The following SMG6 variants were observed in gnomAD, a reference collection of about 807,000 sequenced individuals.
The protein encoded by SMG6 is SMG6 nonsense mediated mRNA decay factor, also known as telomerase-binding protein EST1A.
Under a neutral mutation model 142.2 loss-of-function variants are expected in SMG6, and 66 were observed. The ratio of observed to expected loss-of-function variants is 0.46; its 90% CI spans 0.38 to 0.57. The LOEUF (loss-of-function observed/expected upper bound fraction) is 0.57, where lower values mean the gene tolerates loss of function less well. SMG6 is among the 20% of genes least tolerant of loss of function. The pLI, the probability that SMG6 is intolerant of heterozygous loss-of-function variation, is 0.00. For synonymous variants in SMG6, 779 were observed against 702.4 expected, an observed-to-expected ratio of 1.11 and a Z score of -1.72; for missense variants, 1,793 against 1,832.0, an observed-to-expected ratio of 0.98 and a Z score of 0.39.
Position 2,300,158 on chromosome 17 carries a change from C to T in SMG6, c.595G>A (p.Glu199Lys), listed in dbSNP as rs1483027495. 4 of 1,613,944 alleles carry T rather than the reference C, an allele frequency of 2.5e-6. No homozygotes were observed. The African/African-American group carries it at 4.0e-5, about 16-fold the overall frequency. Residue 199 changes from glutamate to lysine, a missense_variant, in exon 2 of 19, where the codon GAG becomes AAG. Glu to Lys is a moderately conservative substitution (Grantham distance 56). This residue lies in a region of SMG6 where 1,597 missense variants were observed against 1,584.6 expected (regional missense o/e 1.01). Coordinates refer to ENST00000263073, the MANE Select transcript of SMG6 (RefSeq NM_017575.5). ...EEVANKPDRA[E>K]IEKSPGGGRV... is the part of the protein sequence containing the mutation. Reference sequence around the variant, plus strand: ...CCACCACCTGGGCTCTTTTCTATCTCAGCCCTGTCTGGTTTATTCGCAACT... The same window carrying T: ...CCACCACCTGGGCTCTTTTCTATCTTAGCCCTGTCTGGTTTATTCGCAACT...
intron 13 of SMG6, chr17:2,127,997 G>C: frequency 4.1e-6 from 2 of 490,454 alleles, no homozygotes; most frequent in Non-Finnish European, 7.9e-6. Flanking sequence ...ACTAAGGAAC[G>C]AGTGTCAAAG....
At chr17:2,082,227 C>G (rs998194269) in intron 14 of SMG6, 10 of 419,812 alleles carry the variant, frequency 2.4e-5, no homozygotes, top group Non-Finnish European at 3.0e-5. Context: ...ACATATATAC[C>G]TGCGTGCTTT....
Position 2,255,432 on chromosome 17 carries a change from A to AAAAAAG in SMG6, c.2662-10714_2662-10713insCTTTTT, listed in dbSNP as rs2074149977. On this transcript the variant is annotated intron_variant, in intron 8 of 18. Coordinates refer to ENST00000263073, the MANE Select transcript of SMG6 (RefSeq NM_017575.5). ...AAAAAAAAAAAAAAAAAAAAAAAGAATGTGATCTTCATTAAAGCCACTGAA... is the reference window on the plus strand; with the variant it reads ...AAAAAAAAAAAAAAAAAAAAAAAGAAAAAAAGTGTGATCTTCATTAAAGCCACTGAA... 6.2e-5 allele frequency among the ~76,000 whole-genome samples: 9 copies of AAAAAAG among 144,326 alleles called. 1 individual carries two copies. Among genetic ancestry groups the AAAAAAG allele is most frequent in the Non-Finnish European group, 1.4e-4 (9 of 66,208 alleles). 94.7% of individuals were successfully genotyped at this position (144,326 alleles called of 152,430 possible).
chr17:2,087,538 T>C (rs1266821007), intron 13 of SMG6: 13 of 1,026,816 alleles, frequency 1.3e-5, no homozygotes, highest in Non-Finnish European at 1.5e-5. Flanking sequence ...GAGAGGTTGA[T>C]GTAGAAGGTT....
At chr17:2,250,528 C>T (rs1386894093) in intron 8 of SMG6, among the ~76,000 whole-genome samples, 1 of 151,880 alleles carries the variant, frequency 6.6e-6, no homozygotes, top group Non-Finnish European at 1.5e-5. Context: ...GCTGGGCCTA[C>T]AGGCACACAC....
chr17:2,258,858 G>A (rs1308202571), intron 8 of SMG6, among the ~76,000 whole-genome samples: 1 of 149,526 alleles, frequency 6.7e-6, no homozygotes, highest in African/African-American at 2.5e-5. Flanking sequence ...CATGTTGGGG[G>A]GCCGAGGTCA....
intron 13 of SMG6, 115 bp from the exon 14 acceptor site, chr17:2,086,016 G>A: frequency 4.6e-6 from 5 of 1,084,854 alleles, no homozygotes; most frequent in Non-Finnish European, 5.6e-6. Context: ...TACCAGGCAA[G>A]GGGGTCAGAA....
At chr17:2,144,841 A>G (rs1161073491) in intron 13 of SMG6, among the ~76,000 whole-genome samples, 1 of 152,100 alleles carries the variant, frequency 6.6e-6, no homozygotes, top group Non-Finnish European at 1.5e-5. Context: ...CTGGAATCCC[A>G]GCTTTAGGCA....
At position 2,299,865 on chromosome 17, in the gene SMG6, C is replaced by G; in HGVS notation, c.888G>C (p.Val296=). 1 of 1,614,150 alleles carries G rather than the reference C, an allele frequency of 6.2e-7. No homozygotes were observed. The highest frequency in any genetic ancestry group is 8.5e-7 in the Non-Finnish European group (1 of 1,179,974). ...TKERPRLKKQ[V]SVSSTDSLDE... is the part of the protein sequence containing the mutation. ...CTAAGGAATCGGTTGAGGACACAGA[C>G]ACTTGCTTCTTCAGTCGTGGCCTCT... The change falls in exon 2 of 19, where the codon GTG becomes GTC. Residue 296 remains valine, a synonymous_variant. Transcript: ENST00000263073. The surrounding 1 kb of genome is among the most constrained non-coding windows in gnomAD (Gnocchi z 4.3).
At chr17:2,285,599 G>A (rs2074887022) in intron 6 of SMG6, among the ~76,000 whole-genome samples, 1 of 152,102 alleles carries the variant, frequency 6.6e-6, no homozygotes, top group Non-Finnish European at 1.5e-5. Context: ...AGCACTTTAG[G>A]AGGCAGAGGG....
At chr17:2,073,661 A>G (rs1445263989) in intron 15 of SMG6, among the ~76,000 whole-genome samples, 2 of 132,062 alleles carry the variant, frequency 1.5e-5, no homozygotes, top group African/African-American at 5.6e-5. Flanking sequence ...GTGAGCCGAG[A>G]TGGTGCCACT....
At chr17:2,286,466 G>T (rs1567749307) in intron 6 of SMG6, among the ~76,000 whole-genome samples, 2 of 152,102 alleles carry the variant, frequency 1.3e-5, no homozygotes. Context: ...CATATAAAGT[G>T]ACTTTTTACA....
At position 2,297,978 on chromosome 17, in the gene SMG6, A is replaced by T; in HGVS notation, c.1925T>A (p.Ile642Asn). 3.7e-6 allele frequency: 6 copies of T among 1,613,510 alleles called. No individual in the cohort carries two copies. Among genetic ancestry groups the T allele is most frequent in the Non-Finnish European group, 5.1e-6 (6 of 1,179,998 alleles). Reference protein sequence around the residue: ...EFSDNQNVDQILWKNAFYQVI... With the variant: ...EFSDNQNVDQNLWKNAFYQVI... ...CTGATAGAAAGCATTCTTCCACAGG[A>T]TCTGATCCACATTCTGATTATCAGA... Residue 642 changes from isoleucine (I) to asparagine (N), a missense_variant, in exon 3 of 19, where the codon ATC (isoleucine) becomes AAC (asparagine). This residue lies in a region of SMG6 where 1,597 missense variants were observed against 1,584.6 expected (regional missense o/e 1.01). Transcript: ENST00000263073.
rs768942254 is a variant in SMG6, at chr17:2,299,247, T to C, written c.1506A>G (p.Gln502=). The C allele has an allele frequency of 6.2e-6, 10 of 1,614,030 alleles. No homozygotes were observed. Among genetic ancestry groups the C allele is most frequent in the Non-Finnish European group, 8.5e-6 (10 of 1,179,984 alleles). The stretch of plus-strand genomic sequence containing the variant: ...GGTAATAATAGGGGTTGTCAGAGTT[T>C]TGAAACTTATAGTAAGATGCCTGAG... The part of the protein sequence containing the change: ...RQAQASYYKF[Q]NSDNPYYYPR... The change falls in exon 2 of 19, where the codon CAA becomes CAG. Residue 502 remains glutamine, a synonymous_variant. Coordinates refer to ENST00000263073, the MANE Select transcript of SMG6 (RefSeq NM_017575.5). The surrounding 1 kb of genome is among the most constrained non-coding windows in gnomAD (Gnocchi z 4.3).
chr17:2,168,177 GT>G (rs918800737), intron 13 of SMG6, among the ~76,000 whole-genome samples: 1 of 151,670 alleles, frequency 6.6e-6, no homozygotes, highest in Non-Finnish European at 1.5e-5. Context: ...CCTTTTGCAG[GT>G]TTTTTTTAAA....
At chr17:2,301,619 G>A (rs1265583546) in intron 1 of SMG6, among the ~76,000 whole-genome samples, 1 of 152,066 alleles carries the variant, frequency 6.6e-6, no homozygotes, top group African/African-American at 2.4e-5. Flanking sequence ...GTGGTGGGTG[G>A]ATCACGAGGT....
At chr17:2,167,164 A>T (rs1555547412) in intron 13 of SMG6, among the ~76,000 whole-genome samples, 11 of 139,984 alleles carry the variant, frequency 7.9e-5, no homozygotes, top group Non-Finnish European at 1.7e-4. Context: ...AAAGATATAA[A>T]GGGACTGACT....
At chr17:2,251,302 C>T (rs1053723347) in intron 8 of SMG6, among the ~76,000 whole-genome samples, 1 of 151,526 alleles carries the variant, frequency 6.6e-6, no homozygotes, top group East Asian at 1.9e-4. Flanking sequence ...AACCAAATAG[C>T]GTGACTCAAA....
chr17:2,187,157 G>T (rs1405930099), intron 11 of SMG6, among the ~76,000 whole-genome samples: 1 of 152,190 alleles, frequency 6.6e-6, no homozygotes, highest in East Asian at 1.9e-4. Context: ...TGCCAAAACT[G>T]CATGACCTGA....
Sources: allele counts gnomAD v4.1 joint callset (sites outside exome capture counted in the v4.1 genomes callset), GRCh38; gene constraint gnomAD v4.1.1; regional missense constraint gnomAD v4.1.1; non-coding constraint Gnocchi (gnomAD v3.1); transcripts MANE v1.5; gene names NCBI Gene and HGNC (gene_info 2026-07-23, HGNC 2026-07-21).